Variants in HDAC9 observed in about 807,000 individuals in gnomAD.
The protein encoded by HDAC9 is MEF-2 interacting transcription repressor (MITR) protein.
In HDAC9, 41 loss-of-function variants were observed where a neutral mutation model predicts 139.4. The observed-to-expected ratio is 0.29, with a 90% CI of 0.23 to 0.38. The LOEUF (loss-of-function observed/expected upper bound fraction) is 0.38, where lower values mean the gene tolerates loss of function less well. HDAC9 is among the 10% of genes least tolerant of loss of function. The probability of loss-of-function intolerance (pLI) is 1.00; values close to 1 mark genes in which losing one functional copy is unlikely to be tolerated. For synonymous variants in HDAC9, 517 were observed against 476.2 expected, an observed-to-expected ratio of 1.09 and a Z score of -1.12; for missense variants, 1,147 against 1,297.0, an observed-to-expected ratio of 0.88 and a Z score of 1.78.
Position 18,975,949 on chromosome 7 carries a change from A to C in HDAC9, c.3166A>C (p.Ser1056Arg), listed in dbSNP as rs1784519529. ...GGAACAGCCCTTTGCTCAGGAAGAC[A>C]GCAGGTATGAATCCAACGTGCGGGA... ...DVEQPFAQED[S>R]RTAGEPMEEE... Residue 1056 changes from serine to arginine, a missense_variant, in exon 25 of 26, where the codon AGC becomes CGC. Physicochemically the swap from Ser to Arg is moderately radical, Grantham distance 110. Around this residue, in one of 7 missense-constraint regions of HDAC9, gnomAD observed 407 missense variants for 521.5 expected, o/e 0.78. Transcript: ENST00000686413. 1.9e-6 allele frequency: 3 copies of C among 1,613,328 alleles called. No individual in the cohort carries two copies. Among genetic ancestry groups the C allele is most frequent in the Admixed American group, 3.3e-5 (2 of 59,908 alleles).
At chr7:18,573,545 G>A (rs112043512) in intron 2 of HDAC9, among the ~76,000 whole-genome samples, 13 of 152,278 alleles carry the variant, frequency 8.5e-5, no homozygotes, top group African/African-American at 2.4e-4. Flanking sequence ...CACTCGGCTC[G>A]TGCTGCCAGC....
At chr7:18,504,260 C>G (rs1799158952) in intron 2 of HDAC9, among the ~76,000 whole-genome samples, 1 of 151,986 alleles carries the variant, frequency 6.6e-6, no homozygotes, top group Non-Finnish European at 1.5e-5. Context: ...TTCTGTCATA[C>G]TCCTCTCTGA....
intron 12 of HDAC9, among the ~76,000 whole-genome samples, chr7:18,697,439 GT>G (rs1472245390): frequency 6.6e-6 from 1 of 152,074 alleles, no homozygotes; most frequent in Admixed American, 6.6e-5. Context: ...ATTATTACAT[GT>G]TTTTTCCCTA....
At chr7:18,141,520 T>G (rs1031505920) in intron 1 of HDAC9, among the ~76,000 whole-genome samples, 7 of 152,132 alleles carry the variant, frequency 4.6e-5, no homozygotes, top group Non-Finnish European at 8.8e-5. Flanking sequence ...GACTAACATC[T>G]CTGAATAGAG....
At chr7:18,465,406 A>ACAG (rs1794186540) in intron 1 of HDAC9, among the ~76,000 whole-genome samples, 1 of 151,974 alleles carries the variant, frequency 6.6e-6, no homozygotes, top group South Asian at 2.1e-4. Flanking sequence ...CTTCACTGTG[A>ACAG]TCCTTCATTA....
intron 2 of HDAC9, among the ~76,000 whole-genome samples, chr7:18,264,599 A>G (rs1430514624): frequency 1.1e-4 from 16 of 152,212 alleles, no homozygotes; most frequent in Non-Finnish European, 2.4e-4. Context: ...AAAATGACAT[A>G]TAATTATTAT....
intron 23 of HDAC9, among the ~76,000 whole-genome samples, chr7:18,940,856 A>G (rs1020954636): frequency 1.5e-4 from 23 of 152,176 alleles, no homozygotes; most frequent in Admixed American, 3.9e-4. Context: ...GGAATCTAAA[A>G]CAAAAACATT....
At chr7:18,731,023 T>C (rs1424548044) in intron 13 of HDAC9, among the ~76,000 whole-genome samples, 2 of 152,170 alleles carry the variant, frequency 1.3e-5, no homozygotes, top group Non-Finnish European at 2.9e-5. Context: ...ATAGAGAGCA[T>C]GGAGCTGCTG....
chr7:18,239,130 T>C, intron 2 of HDAC9, among the ~76,000 whole-genome samples: 1 of 151,906 alleles, frequency 6.6e-6, no homozygotes, highest in South Asian at 2.1e-4. Context: ...CTTATTTTTG[T>C]TTTTTTTTTC....
chr7:18,892,239 G>T (rs1348346443), intron 22 of HDAC9: 5 of 152,258 alleles, frequency 3.3e-5, no homozygotes, highest in African/African-American at 1.2e-4. Context: ...TCATACAATG[G>T]TTTAAAATTC....
intron 7 of HDAC9, among the ~76,000 whole-genome samples, chr7:18,633,871 G>T (rs73311451): frequency 3.9e-5 from 6 of 152,082 alleles, no homozygotes; most frequent in African/African-American, 1.4e-4. Flanking sequence ...ATAAGTTGAG[G>T]TACATGTGAA....
At chr7:18,970,116 TAA>T (rs1356330022) in intron 24 of HDAC9, among the ~76,000 whole-genome samples, 1 of 152,112 alleles carries the variant, frequency 6.6e-6, no homozygotes, top group African/African-American at 2.4e-5. Flanking sequence ...ACCATACAAT[TAA>T]GTTTTCAAGA....
In HDAC9 at chr7:18,988,607, C is replaced by T. The variant is rs1585496014; in HGVS notation, c.3171-7416C>T. On this transcript the variant is annotated intron_variant, in intron 25 of 25. Coordinates refer to ENST00000686413, the MANE Select transcript of HDAC9 (RefSeq NM_178425.4). ...CTTGGTGCAGAGCTGAGTTCAATTC[C>T]TGAGTATCCTTGTTTACTTTCTGTC... is the stretch of plus-strand genomic sequence containing the variant. 2.6e-5 allele frequency among the ~76,000 whole-genome samples: 4 copies of T among 152,236 alleles called. No homozygotes were observed. In the South Asian group the frequency reaches 8.3e-4, roughly 32 times the overall value.
chr7:18,209,784 T>G (rs995428717), intron 2 of HDAC9, among the ~76,000 whole-genome samples: 2 of 151,966 alleles, frequency 1.3e-5, no homozygotes, highest in East Asian at 1.9e-4. Flanking sequence ...CACTGTAAGC[T>G]CCGCCTCCCA....
chr7:18,620,121 A>G (rs1014854283), intron 6 of HDAC9, among the ~76,000 whole-genome samples: 2 of 152,294 alleles, frequency 1.3e-5, no homozygotes, highest in Admixed American at 6.5e-5. Context: ...ATAAATAGCT[A>G]AAGGATTTAT....
intron 1 of HDAC9, among the ~76,000 whole-genome samples, chr7:18,295,022 G>C (rs1798050780): frequency 6.6e-6 from 1 of 152,028 alleles, no homozygotes; most frequent in African/African-American, 2.4e-5. Flanking sequence ...AAGCAGGCTT[G>C]GACTTCTCAA....
intron 2 of HDAC9, among the ~76,000 whole-genome samples, chr7:18,255,835 G>T (rs774039617): frequency 2.6e-5 from 4 of 151,856 alleles, no homozygotes; most frequent in Non-Finnish European, 5.9e-5. Context: ...CACCATGTTG[G>T]CCAGGATGGT....
chr7:18,099,732 ATAT>A (rs1782727386), intron 1 of HDAC9, among the ~76,000 whole-genome samples: 1 of 152,228 alleles, frequency 6.6e-6, no homozygotes, highest in Non-Finnish European at 1.5e-5. Context: ...CAGATCTGAA[ATAT>A]TGTTGTGTGT....
chr7:18,611,876 A>G (rs1045480091), intron 6 of HDAC9, among the ~76,000 whole-genome samples: 1 of 152,148 alleles, frequency 6.6e-6, no homozygotes, highest in Non-Finnish European at 1.5e-5. Context: ...TGGAAAACAA[A>G]TTATTAAAAT....
Sources: allele counts gnomAD v4.1 joint callset (sites outside exome capture counted in the v4.1 genomes callset), GRCh38; gene constraint gnomAD v4.1.1; regional missense constraint gnomAD v4.1.1; transcripts MANE v1.5; gene names NCBI Gene and HGNC (gene_info 2026-07-23, HGNC 2026-07-21).